The following ELAVL2 variants were observed in gnomAD, a reference collection of about 807,000 sequenced individuals.
ELAVL2 encodes ELAV like RNA binding protein 2.
In ELAVL2, 4 loss-of-function variants were observed where a neutral mutation model predicts 34.6. The ratio of observed to expected loss-of-function variants is 0.12; its 90% CI spans 0.06 to 0.26. ELAVL2 has a LOEUF of 0.26. Among genes scored for constraint, ELAVL2 ranks in the 10% least tolerant of loss-of-function variants. The pLI, the probability that ELAVL2 is intolerant of heterozygous loss-of-function variation, is 1.00. For synonymous variants in ELAVL2, 193 were observed against 154.8 expected (o/e 1.25, Z -1.83); for missense variants, 432 against 442.8 (o/e 0.98, Z 0.22).
At position 23,762,130 on chromosome 9, in the gene ELAVL2, T is replaced by G; in HGVS notation, c.105A>C (p.Glu35Asp). 1 of 1,613,666 alleles carries G rather than the reference T, an allele frequency of 6.2e-7. No homozygotes were observed. Among genetic ancestry groups the G allele is most frequent in the Non-Finnish European group, 8.5e-7 (1 of 1,179,652 alleles). ...TGACTATTAAGTTGGTCTTGCTGTC[T>G]TCTGTGTTCCCAGAGTCAACTGGTG... ...CSSPVDSGNT[E>D]DSKTNLIVNY... The change falls in exon 2 of 7, where the codon GAA becomes GAC. Residue 35 changes from glutamate to aspartate, a missense_variant. Transcript: ENST00000397312.
intron 2 of ELAVL2, among the ~76,000 whole-genome samples, chr9:23,760,565 T>G (rs1297263113): frequency 1.3e-5 from 2 of 152,048 alleles, no homozygotes; most frequent in African/African-American, 4.8e-5. Flanking sequence ...CAGCCTTTTG[T>G]TCTTCACCTT....
At chr9:23,715,205 G>A (rs554141034) in intron 3 of ELAVL2, among the ~76,000 whole-genome samples, 10 of 152,182 alleles carry the variant, frequency 6.6e-5, no homozygotes, top group Non-Finnish European at 1.5e-4. Context: ...CTGGAGTGCA[G>A]TGGCACGATC....
At chr9:23,757,067 G>A (rs975136974) in intron 2 of ELAVL2, among the ~76,000 whole-genome samples, 2 of 152,116 alleles carry the variant, frequency 1.3e-5, no homozygotes, top group African/African-American at 4.8e-5. Context: ...TAGGTGAGTA[G>A]GTGAGGATGT....
At chr9:23,759,802 C>T (rs1207682650) in intron 2 of ELAVL2, among the ~76,000 whole-genome samples, 9 of 88,842 alleles carry the variant, frequency 1.0e-4, no homozygotes, top group South Asian at 3.6e-4. Context: ...TGTATAGAAA[C>T]GTCTTACATC....
At chr9:23,705,171 T>A (rs1356865553) in intron 3 of ELAVL2, 100 bp from the exon 4 acceptor site, 6 of 1,373,634 alleles carry the variant, frequency 4.4e-6, no homozygotes, top group Middle Eastern at 2.0e-4. Flanking sequence ...ATGAACAGCA[T>A]AGAACACTGA....
chr9:23,782,788 T>C (rs577092128), intron 1 of ELAVL2, among the ~76,000 whole-genome samples: 244 of 152,300 alleles, frequency 1.6e-3, no homozygotes, highest in Non-Finnish European at 2.2e-3. Flanking sequence ...TAATAAACTA[T>C]TTACCAGCCT....
intron 2 of ELAVL2, among the ~76,000 whole-genome samples, chr9:23,733,241 G>C (rs1297704441): frequency 6.7e-6 from 1 of 149,092 alleles, no homozygotes; most frequent in Non-Finnish European, 1.5e-5. Context: ...AAAATAGATA[G>C]ATATATATAC....
At chr9:23,733,469 T>C (rs1223843585) in intron 2 of ELAVL2, among the ~76,000 whole-genome samples, 4 of 152,186 alleles carry the variant, frequency 2.6e-5, no homozygotes, top group Non-Finnish European at 5.9e-5. Context: ...GGTGAGAACC[T>C]AGCTGGGGCT....
intron 1 of ELAVL2, among the ~76,000 whole-genome samples, chr9:23,790,623 A>T (rs561149871): frequency 6.6e-6 from 1 of 152,316 alleles, no homozygotes; most frequent in African/African-American, 2.4e-5. Flanking sequence ...CTCTCTGCTG[A>T]TTACCTTGAA....
intron 1 of ELAVL2, among the ~76,000 whole-genome samples, chr9:23,824,297 A>G (rs551998204): frequency 6.6e-6 from 1 of 152,188 alleles, no homozygotes; most frequent in African/African-American, 2.4e-5. Flanking sequence ...GTGGGTACGT[A>G]GCAACGTGCT....
chr9:23,838,641 A>G, the ELAVL2 span, among the ~76,000 whole-genome samples: 1 of 151,692 alleles, frequency 6.6e-6, no homozygotes, highest in Middle Eastern at 3.4e-3. Context: ...TCCCTTACTG[A>G]CTATCTGTAT....
At chr9:23,779,095 C>G (rs2058681467) in intron 1 of ELAVL2, 1 of 755,308 alleles carries the variant, frequency 1.3e-6, no homozygotes, top group South Asian at 6.0e-5. Flanking sequence ...TCACCTGGCA[C>G]TACACCAGAA....
intron 1 of ELAVL2, among the ~76,000 whole-genome samples, chr9:23,773,599 C>T (rs899739999): frequency 6.6e-6 from 1 of 151,956 alleles, no homozygotes; most frequent in African/African-American, 2.4e-5. Context: ...ACACATATTC[C>T]CAAGTGTTGA....
intron 1 of ELAVL2, among the ~76,000 whole-genome samples, chr9:23,816,765 T>C (rs549140065): frequency 6.6e-6 from 1 of 152,314 alleles, no homozygotes; most frequent in African/African-American, 2.4e-5. Flanking sequence ...CAATGGATCA[T>C]GAGAGTGAAA....
chr9:23,803,474 G>A (rs1489558140), intron 1 of ELAVL2, among the ~76,000 whole-genome samples: 1 of 152,142 alleles, frequency 6.6e-6, no homozygotes, highest in Non-Finnish European at 1.5e-5. Flanking sequence ...AGGAAGCCAT[G>A]CATGCTCCAT....
chr9:23,701,078 G>A (rs944785281), intron 5 of ELAVL2, among the ~76,000 whole-genome samples: 1 of 152,090 alleles, frequency 6.6e-6, no homozygotes, highest in Non-Finnish European at 1.5e-5. Context: ...ACCCCCACAG[G>A]TTGTGCCAAC....
intron 4 of ELAVL2, among the ~76,000 whole-genome samples, chr9:23,703,248 C>T (rs1490964044): frequency 6.6e-6 from 1 of 152,174 alleles, no homozygotes. Context: ...GTGAAACCTA[C>T]TCTCAATTCA....
intron 2 of ELAVL2, among the ~76,000 whole-genome samples, chr9:23,755,443 C>T (rs544102888): frequency 1.3e-3 from 191 of 152,164 alleles, no homozygotes; most frequent in Non-Finnish European, 1.9e-3. Flanking sequence ...ACAGTGATAA[C>T]ACCAAATTTT....
At chr9:23,693,607 T>A in intron 5 of ELAVL2, 121 bp from the exon 6 acceptor site, 1 of 1,193,970 alleles carries the variant, frequency 8.4e-7, no homozygotes, top group Non-Finnish European at 1.2e-6. Flanking sequence ...ATGTGAAGAC[T>A]CAGAATGCTG....
Sources: allele counts gnomAD v4.1 joint callset (sites outside exome capture counted in the v4.1 genomes callset), GRCh38; gene constraint gnomAD v4.1.1; transcripts MANE v1.5; gene names NCBI Gene and HGNC (gene_info 2026-07-23, HGNC 2026-07-21).